The following FAM110B variants were observed in gnomAD, a reference collection of about 807,000 sequenced individuals.
FAM110B encodes protein FAM110B.
In FAM110B, 6 loss-of-function variants were observed where a neutral mutation model predicts 20.4. The ratio of observed to expected loss-of-function variants is 0.29; its 90% confidence interval spans 0.16 to 0.58. The LOEUF is 0.58. Ranked by LOEUF, FAM110B falls within the 20% of genes least tolerant of loss-of-function variation. FAM110B has a pLI of 0.90. For missense variants in FAM110B, 434 were observed against 498.2 expected, an observed-to-expected ratio of 0.87 and a Z score of 1.23; for synonymous variants, 226 against 214.1, an observed-to-expected ratio of 1.06 and a Z score of -0.49.
intron 3 of FAM110B, among the ~76,000 whole-genome samples, chr8:58,121,530 A>G (rs1807360783): frequency 6.6e-6 from 1 of 152,216 alleles, no homozygotes; most frequent in African/African-American, 2.4e-5. Context: ...ACTATGCCAG[A>G]TAGCAGAAAT....
At chr8:58,084,393 CTT>C (rs574705921) in intron 3 of FAM110B, among the ~76,000 whole-genome samples, 11,202 of 140,578 alleles carry the variant, frequency 0.08, 877 homozygotes, top group African/African-American at 0.22. Context: ...CTCCATTTTC[CTT>C]TTTTTTTTTT....
chr8:58,136,159 G>C (rs138618422), intron 3 of FAM110B, among the ~76,000 whole-genome samples: 5 of 151,878 alleles, frequency 3.3e-5, no homozygotes, highest in South Asian at 2.1e-4. Context: ...TTACAGGCAC[G>C]TGCCACCACG....
At chr8:58,074,475 C>T (rs1805984056) in intron 2 of FAM110B, among the ~76,000 whole-genome samples, 1 of 152,196 alleles carries the variant, frequency 6.6e-6, no homozygotes, top group African/African-American at 2.4e-5. Context: ...TGTTCCCTCA[C>T]TGCCTGCAGG....
intron 2 of FAM110B, among the ~76,000 whole-genome samples, chr8:58,071,911 G>A (rs941640982): frequency 1.3e-5 from 2 of 152,172 alleles, no homozygotes; most frequent in Non-Finnish European, 2.9e-5. Flanking sequence ...AACCACGCCT[G>A]TTCCCATTGC....
intron 3 of FAM110B, among the ~76,000 whole-genome samples, chr8:58,116,712 A>G (rs1206360181): frequency 6.6e-6 from 1 of 152,174 alleles, no homozygotes; most frequent in Non-Finnish European, 1.5e-5. Flanking sequence ...CAGGCACTGA[A>G]ACTTGAATGT....
At chr8:58,111,491 C>T (rs1484330032) in intron 3 of FAM110B, among the ~76,000 whole-genome samples, 1 of 152,140 alleles carries the variant, frequency 6.6e-6, no homozygotes, top group Non-Finnish European at 1.5e-5. Flanking sequence ...AGCTAGCAGC[C>T]TGGTTCCATG....
chr8:58,092,491 C>T (rs1412649057), intron 3 of FAM110B, among the ~76,000 whole-genome samples: 9 of 152,116 alleles, frequency 5.9e-5, no homozygotes, highest in African/African-American at 9.7e-5. Flanking sequence ...CGAGAACATG[C>T]GGTGTTTGGT....
chr8:58,061,378 T>C lies in FAM110B; in HGVS notation c.-413-14157T>C, dbSNP rs574814480. 1.2e-4 allele frequency among the ~76,000 whole-genome samples: 18 copies of C among 152,322 alleles called. 1 individual carries two copies. In the South Asian group the frequency reaches 3.7e-3, roughly 32 times the overall value. On this transcript the variant is annotated intron_variant, in intron 2 of 3. Coordinates refer to ENST00000519262, the MANE Select transcript of FAM110B (RefSeq NM_001377989.1). ...TAAAAGCCTTCTATATAATTGAGTA[T>C]GCAAACCACTTGTGTAGGCTTGACT...
intron 2 of FAM110B, among the ~76,000 whole-genome samples, chr8:58,041,968 G>A (rs992146815): frequency 2.0e-5 from 3 of 152,212 alleles, no homozygotes; most frequent in Admixed American, 2.0e-4. Flanking sequence ...TCTCGCTTCA[G>A]TTCTTAGTGG....
At chr8:57,999,221 A>G (rs954633177) in intron 1 of FAM110B, among the ~76,000 whole-genome samples, 1 of 152,238 alleles carries the variant, frequency 6.6e-6, no homozygotes, top group African/African-American at 2.4e-5. Context: ...TCAAAAATGA[A>G]TACCTAAGCA....
At chr8:58,096,768 C>T (rs1806643042) in intron 3 of FAM110B, among the ~76,000 whole-genome samples, 1 of 152,168 alleles carries the variant, frequency 6.6e-6, no homozygotes, top group Admixed American at 6.5e-5. Context: ...ATTTGCTTGT[C>T]TGTAAAGGAT....
intron 3 of FAM110B, among the ~76,000 whole-genome samples, chr8:58,078,086 C>A (rs757999101): frequency 6.6e-6 from 1 of 152,154 alleles, no homozygotes; most frequent in African/African-American, 2.4e-5. Context: ...AAACATTTTT[C>A]TTTCCTAGAT....
intron 3 of FAM110B, among the ~76,000 whole-genome samples, chr8:58,094,987 T>C (rs1349429240): frequency 6.6e-6 from 1 of 152,218 alleles, no homozygotes; most frequent in East Asian, 1.9e-4. Flanking sequence ...GGAGAGTGTA[T>C]GTGTCCAGAA....
intron 2 of FAM110B, among the ~76,000 whole-genome samples, chr8:58,054,554 T>C (rs1038061298): frequency 6.6e-6 from 1 of 152,230 alleles, no homozygotes; most frequent in African/African-American, 2.4e-5. Context: ...TATAACCGTT[T>C]AAACAAATAG....
chr8:58,045,936 G>T (rs1430466425), intron 2 of FAM110B, among the ~76,000 whole-genome samples: 1 of 152,184 alleles, frequency 6.6e-6, no homozygotes. Flanking sequence ...CTTCCCCATA[G>T]ATGGTGCCTT....
intron 3 of FAM110B, among the ~76,000 whole-genome samples, chr8:58,081,876 T>C (rs908570000): frequency 1.3e-5 from 2 of 152,186 alleles, no homozygotes; most frequent in Admixed American, 1.3e-4. Flanking sequence ...TTCTTCACAA[T>C]TTAATGTATA....
rs191923382 is a variant in FAM110B at position 58,010,174 on chromosome 8, G to A, written c.-512+15368G>A. On this transcript the variant is annotated intron_variant, in intron 1 of 3. Coordinates refer to ENST00000519262, the MANE Select transcript of FAM110B (RefSeq NM_001377989.1). The stretch of plus-strand genomic sequence containing the variant: ...TGGGATTACAGATGCGCAACATGAC[G>A]CCCTGCTAGTTTTTTTTTTTTTTTT... Among the ~76,000 whole-genome samples, 528 of 150,198 alleles carry A rather than the reference G, an allele frequency of 3.5e-3. 4 individuals carry two copies. The highest frequency in any genetic ancestry group is 0.012 in the African/African-American group (501 of 41,002).
chr8:58,088,429 T>C (rs777089413), intron 3 of FAM110B, among the ~76,000 whole-genome samples: 2 of 152,244 alleles, frequency 1.3e-5, no homozygotes, highest in Non-Finnish European at 2.9e-5. Flanking sequence ...GAATTCTGAA[T>C]TCAACGAAAT....
intron 1 of FAM110B, among the ~76,000 whole-genome samples, chr8:58,009,688 T>C (rs1804487701): frequency 6.6e-6 from 1 of 152,218 alleles, no homozygotes; most frequent in African/African-American, 2.4e-5. Context: ...TATATTTCCA[T>C]GGGATGGTGC....
Sources: gnomAD v4.1 joint callset for allele counts (sites outside exome capture counted in the v4.1 genomes callset) on GRCh38, gnomAD v4.1.1 for gene constraint, MANE v1.5 for transcripts, NCBI Gene and HGNC (gene_info 2026-07-23, HGNC 2026-07-21) for gene names.